CHN2: variants seen among roughly 807,000 people sequenced by gnomAD.
CHN2 encodes chimerin 2.
CHN2 carries 35 observed loss-of-function variants against 56.3 expected under a neutral mutation model. The observed-to-expected ratio is 0.62, with a 90% CI of 0.47 to 0.82. The LOEUF (loss-of-function observed/expected upper bound fraction) is 0.82, where lower values mean the gene tolerates loss of function less well. CHN2 is among the 40% of genes least tolerant of loss of function. The pLI is 0.00. For synonymous variants in CHN2, 210 were observed against 212.8 expected (o/e 0.99, Z 0.12); for missense variants, 491 against 580.5 (o/e 0.85, Z 1.58).
chr7:29,422,506 T>C (rs1804448294), intron 6 of CHN2, among the ~76,000 whole-genome samples: 1 of 152,250 alleles, frequency 6.6e-6, no homozygotes, highest in Non-Finnish European at 1.5e-5. Flanking sequence ...CTGGCCACTC[T>C]CTGAGCAAAG....
intron 1 of CHN2, among the ~76,000 whole-genome samples, chr7:29,304,157 C>A (rs1272513504): frequency 6.6e-6 from 1 of 152,046 alleles, no homozygotes; most frequent in East Asian, 1.9e-4. Context: ...CACAAAAAGC[C>A]ACTGGAGTTA....
intron 1 of CHN2, among the ~76,000 whole-genome samples, chr7:29,314,570 C>T (rs1794824363): frequency 6.6e-6 from 1 of 152,056 alleles, no homozygotes; most frequent in African/African-American, 2.4e-5. Context: ...AAGTGTAAAA[C>T]TATTTTAACC....
chr7:29,501,148 T>A (rs1789925709), intron 9 of CHN2, among the ~76,000 whole-genome samples: 1 of 152,238 alleles, frequency 6.6e-6, no homozygotes, highest in African/African-American at 2.4e-5. Context: ...AAAGAGGATG[T>A]CATAGCTTAT....
At chr7:29,283,447 A>C (rs1482815095) in intron 1 of CHN2, among the ~76,000 whole-genome samples, 1 of 152,120 alleles carries the variant, frequency 6.6e-6, no homozygotes, top group Non-Finnish European at 1.5e-5. Context: ...GGACTAGTAA[A>C]AATGATGGGA....
chr7:29,483,534 G>A (rs1276724117), intron 7 of CHN2, among the ~76,000 whole-genome samples: 4 of 152,156 alleles, frequency 2.6e-5, no homozygotes, highest in Non-Finnish European at 4.4e-5. Context: ...GTACCTACTA[G>A]GCACTGAGAC....
In CHN2 at chr7:29,381,809, C is replaced by CAAAAAAAAAAAAAAAAAAAAAA. The variant is rs60652952; in HGVS notation, c.145-11864_145-11843dup. 1.1e-3 allele frequency among the ~76,000 whole-genome samples: 45 copies of CAAAAAAAAAAAAAAAAAAAAAA among 39,512 alleles called. 10 individuals carry two copies. The highest frequency in any genetic ancestry group is 4.1e-3 in the Admixed American group (9 of 2,212). The allele number at this position is 39,512 out of a possible 152,430, so 25.9% of individuals were successfully genotyped here. A position where few individuals can be genotyped will look rare whatever the true frequency, so the allele number is the denominator to read the frequency against. The stretch of plus-strand genomic sequence containing the variant: ...AAAAGTCTATTCTCACTAAACTAAG[C>CAAAAAAAAAAAAAAAAAAAAAA]AAAAAAAAAAAAAAAAAAAAAAAAA... On this transcript the variant is annotated intron_variant, in intron 3 of 12. Coordinates refer to ENST00000222792, the MANE Select transcript of CHN2 (RefSeq NM_004067.4).
intron 7 of CHN2, among the ~76,000 whole-genome samples, chr7:29,484,578 T>C (rs1787745273): frequency 6.6e-6 from 1 of 152,224 alleles, no homozygotes; most frequent in Non-Finnish European, 1.5e-5. Context: ...TCTGTATATC[T>C]GTCATCTTCT....
chr7:29,297,093 A>G (rs921280957), intron 1 of CHN2, among the ~76,000 whole-genome samples: 1 of 152,198 alleles, frequency 6.6e-6, no homozygotes, highest in African/African-American at 2.4e-5. Context: ...CACTTTGAAG[A>G]GTGAGAAAAA....
At chr7:29,401,134 G>C (rs1485899307) in intron 6 of CHN2, 1 of 299,458 alleles carries the variant, frequency 3.3e-6, no homozygotes, top group African/African-American at 2.2e-5. Context: ...CGGGTGTGGT[G>C]GTGGGCGCCT....
intron 2 of CHN2, among the ~76,000 whole-genome samples, chr7:29,364,457 G>A (rs1282296017): frequency 6.6e-6 from 1 of 152,226 alleles, no homozygotes; most frequent in African/African-American, 2.4e-5. Context: ...TTGACAATGG[G>A]AAGAGAAGAG....
chr7:29,394,583 T>G (rs1329246634), intron 4 of CHN2, among the ~76,000 whole-genome samples: 2 of 152,154 alleles, frequency 1.3e-5, no homozygotes, highest in East Asian at 3.9e-4. Context: ...TTCAGAACCT[T>G]CCTCGCAGCA....
chr7:29,228,017 A>G (rs187478251), intron 1 of CHN2, among the ~76,000 whole-genome samples: 20 of 152,208 alleles, frequency 1.3e-4, no homozygotes, highest in African/African-American at 3.6e-4. Context: ...TTGTATGACA[A>G]ATTCTCAGCC....
intron 1 of CHN2, among the ~76,000 whole-genome samples, chr7:29,254,017 G>A (rs1468186750): frequency 6.6e-6 from 1 of 152,294 alleles, no homozygotes; most frequent in East Asian, 1.9e-4. Flanking sequence ...CGATTCTCCT[G>A]CCTCAGCCTC....
chr7:29,149,189 C>CTTTTTTTTTTTT (rs60520174), intron 2 of CHN2, among the ~76,000 whole-genome samples: 1 of 100,340 alleles, frequency 1.0e-5, no homozygotes, highest in Non-Finnish European at 1.8e-5. Flanking sequence ...GTCTGTTTCC[C>CTTTTTTTTTTTT]TTTTTTTTTT....
At chr7:29,316,966 T>G (rs1303698808) in intron 1 of CHN2, among the ~76,000 whole-genome samples, 1 of 152,210 alleles carries the variant, frequency 6.6e-6, no homozygotes, top group African/African-American at 2.4e-5. Flanking sequence ...TTCGATTTAG[T>G]CATTGTACTA....
chr7:29,449,498 G>A (rs767044018), intron 6 of CHN2, among the ~76,000 whole-genome samples: 10 of 152,166 alleles, frequency 6.6e-5, no homozygotes, highest in African/African-American at 2.2e-4. Flanking sequence ...GGGAAAGTTC[G>A]TACTACAATG....
chr7:29,509,550 C>A (rs1791029565), intron 12 of CHN2, 144 bp downstream of exon 12: 2 of 619,466 alleles, frequency 3.2e-6, no homozygotes, highest in South Asian at 1.9e-5. Flanking sequence ...AGTGTATCAT[C>A]CCTATGAAAG....
At chr7:29,388,119 A>G (rs3793272) in intron 3 of CHN2, among the ~76,000 whole-genome samples, 35,459 of 152,148 alleles carry the variant, frequency 0.23, 4,250 homozygotes, top group Middle Eastern at 0.32. Flanking sequence ...GTAATGGAAT[A>G]TAGACTCTTG....
rs79469226 is a variant in CHN2 at position 29,330,328 on chromosome 7, G to A, written c.50-24297G>A. ...AAGATGATTACGATATTGCACCGTT[G>A]ACCTTCATCCCAGTGCACAGGGTCA... On this transcript the variant is annotated intron_variant, in intron 1 of 12. Coordinates refer to ENST00000222792, the MANE Select transcript of CHN2 (RefSeq NM_004067.4). 6.5e-3 allele frequency among the ~76,000 whole-genome samples: 985 copies of A among 152,290 alleles called. 13 individuals are homozygous for A. The highest frequency in any genetic ancestry group is 0.022 in the African/African-American group (931 of 41,548).
Sources: gnomAD v4.1 joint callset for allele counts (sites outside exome capture counted in the v4.1 genomes callset) on GRCh38, gnomAD v4.1.1 for gene constraint, MANE v1.5 for transcripts, NCBI Gene and HGNC (gene_info 2026-07-23, HGNC 2026-07-21) for gene names.